Variants in CLASP1 observed in about 807,000 individuals in gnomAD.
CLASP1 encodes CLIP-associating protein 1.
In CLASP1, 38 loss-of-function variants were observed where a neutral mutation model predicts 192.3. The ratio of observed to expected loss-of-function variants is 0.20; its 90% CI spans 0.15 to 0.26. CLASP1 has a LOEUF of 0.26. Ranked by LOEUF, CLASP1 falls within the 10% of genes least tolerant of loss-of-function variation. The pLI, the probability that CLASP1 is intolerant of heterozygous loss-of-function variation, is 1.00. For missense variants in CLASP1, 1,433 were observed against 1,932.5 expected (o/e 0.74, Z 4.85); for synonymous variants, 691 against 712.8 (o/e 0.97, Z 0.49).
In CLASP1 at chr2:121,411,337, G is replaced by T. The variant is rs1322078711; in HGVS notation, c.2321-368C>A. Among the ~76,000 whole-genome samples, 3 of 152,314 alleles carry T rather than the reference G, an allele frequency of 2.0e-5. No homozygotes were observed. In the East Asian group the frequency reaches 5.8e-4, roughly 29 times the overall value. ...GATGTTTGGTCAAACTAATTAGAAA[G>T]CTTCATGGTTTCATAAGAGTTCTAA... On this transcript the variant is annotated intron_variant, in intron 23 of 39. Coordinates refer to ENST00000263710, the Ensembl canonical transcript of CLASP1.
intron 2 of CLASP1, among the ~76,000 whole-genome samples, chr2:121,563,258 T>C (rs1218032816): frequency 2.0e-5 from 3 of 152,208 alleles, no homozygotes; most frequent in Admixed American, 6.5e-5. Flanking sequence ...GTTTATATTA[T>C]GCTGAACAGG....
intron 2 of CLASP1, among the ~76,000 whole-genome samples, chr2:121,562,688 C>T (rs1004266755): frequency 3.9e-5 from 6 of 152,334 alleles, no homozygotes; most frequent in African/African-American, 1.4e-4. Context: ...CACAGAAGCA[C>T]AACAGGCAAA....
intron 2 of CLASP1, chr2:121,532,495 T>G (rs1216964471): frequency 6.6e-6 from 1 of 152,132 alleles, no homozygotes; most frequent in African/African-American, 2.4e-5. Flanking sequence ...AAAACGGCAT[T>G]TTGCCTGTGA....
intron 8 of CLASP1, among the ~76,000 whole-genome samples, chr2:121,474,571 C>T (rs543389273): frequency 2.4e-4 from 37 of 152,222 alleles, no homozygotes; most frequent in African/African-American, 8.4e-4. Flanking sequence ...CCCGTCTCTA[C>T]TAAACATACA....
intron 31 of CLASP1, 43 bp downstream of exon 32, chr2:121,387,720 T>C (rs1241167908): frequency 6.2e-7 from 1 of 1,604,264 alleles, no homozygotes; most frequent in Admixed American, 1.7e-5. Context: ...TACGCAGAGG[T>C]CATGGACATC....
At chr2:121,469,739 G>A (rs1331817972) in intron 9 of CLASP1, 69 bp downstream of exon 9, 2 of 1,487,532 alleles carry the variant, frequency 1.3e-6, no homozygotes. Flanking sequence ...CCACAGGCAA[G>A]TACGTGCACC....
At chr2:121,598,702 G>A (rs2063423155) in intron 2 of CLASP1, among the ~76,000 whole-genome samples, 1 of 152,126 alleles carries the variant, frequency 6.6e-6, no homozygotes, top group African/African-American at 2.4e-5. Flanking sequence ...CTGCAGGGTT[G>A]TTATAAAGAC....
At chr2:121,540,999 T>C (rs1198077037) in intron 2 of CLASP1, among the ~76,000 whole-genome samples, 2 of 152,220 alleles carry the variant, frequency 1.3e-5, no homozygotes, top group African/African-American at 4.8e-5. Flanking sequence ...AATTGTGTCT[T>C]TGTGTTTTGT....
chr2:121,370,425 A>T (rs1465428685), intron 34 of CLASP1, among the ~76,000 whole-genome samples: 1 of 152,112 alleles, frequency 6.6e-6, no homozygotes, highest in Non-Finnish European at 1.5e-5. Context: ...TTCTAGGTTC[A>T]AGCGATTCTC....
At chr2:121,478,755 A>C (rs1575271323) in intron 8 of CLASP1, among the ~76,000 whole-genome samples, 2 of 75,270 alleles carry the variant, frequency 2.7e-5, no homozygotes, top group African/African-American at 1.3e-4. Flanking sequence ...CACACACCAC[A>C]CACACACCAC....
rs184955628 is a variant in CLASP1, at chr2:121,535,638, G to A, written c.196-5313C>T. Reference sequence around the variant, plus strand: ...AGACAATAGGTAAAAAGTAACGGCTGACATTCATTAGAATTTTTTTTTTTT... The same window carrying A: ...AGACAATAGGTAAAAAGTAACGGCTAACATTCATTAGAATTTTTTTTTTTT... On this transcript the variant is annotated intron_variant, in intron 2 of 39. Coordinates refer to ENST00000263710, the Ensembl canonical transcript of CLASP1. 3.3e-5 allele frequency among the ~76,000 whole-genome samples: 5 copies of A among 152,036 alleles called. No individual in the cohort carries two copies. In the East Asian group the frequency reaches 9.7e-4, roughly 29 times the overall value.
At chr2:121,368,133 G>C (rs1255145496) in intron 34 of CLASP1, among the ~76,000 whole-genome samples, 3 of 152,070 alleles carry the variant, frequency 2.0e-5, no homozygotes, top group Admixed American at 1.3e-4. Context: ...GCCTTTCCTT[G>C]AGAAGGAAAG....
At chr2:121,531,132 C>T (rs939411488) in intron 2 of CLASP1, 4 of 620,008 alleles carry the variant, frequency 6.5e-6, no homozygotes, top group South Asian at 3.6e-5. Flanking sequence ...AAGTAAAGTT[C>T]TTTCAGTTTT....
chr2:121,363,598 G>A (rs1407977704), intron 36 of CLASP1, among the ~76,000 whole-genome samples: 1 of 152,186 alleles, frequency 6.6e-6, no homozygotes, highest in African/African-American at 2.4e-5. Flanking sequence ...AAATGAGGAT[G>A]ATATACCTAA....
intron 6 of CLASP1, among the ~76,000 whole-genome samples, chr2:121,521,418 G>A (rs541991127): frequency 6.6e-4 from 100 of 152,234 alleles, no homozygotes; most frequent in African/African-American, 2.1e-3. Flanking sequence ...GTGTGGTACC[G>A]GTGCTGTGCC....
intron 2 of CLASP1, among the ~76,000 whole-genome samples, chr2:121,560,697 T>C (rs866925986): frequency 1.3e-5 from 2 of 152,212 alleles, no homozygotes; most frequent in Non-Finnish European, 2.9e-5. Flanking sequence ...ATCCTTGAAG[T>C]TAAATGCTGG....
intron 7 of CLASP1, among the ~76,000 whole-genome samples, chr2:121,512,611 T>C (rs1264485875): frequency 6.6e-6 from 1 of 152,242 alleles, no homozygotes; most frequent in African/African-American, 2.4e-5. Flanking sequence ...GATAAGATTT[T>C]GGCCACGAGA....
intron 2 of CLASP1, among the ~76,000 whole-genome samples, chr2:121,548,858 A>AT (rs1433155297): frequency 6.6e-6 from 1 of 152,210 alleles, no homozygotes; most frequent in African/African-American, 2.4e-5. Flanking sequence ...CCTTTTTCAG[A>AT]TAAGCAAATG....
At chr2:121,406,510 T>A (rs1343204126) in intron 25 of CLASP1, among the ~76,000 whole-genome samples, 1 of 152,120 alleles carries the variant, frequency 6.6e-6, no homozygotes, top group Admixed American at 6.5e-5. Context: ...AACTGCATAC[T>A]GTACAGGAAG....
Sources: gnomAD v4.1 joint callset for allele counts (sites outside exome capture counted in the v4.1 genomes callset) on GRCh38, gnomAD v4.1.1 for gene constraint, MANE v1.5 for transcripts, NCBI Gene and HGNC (gene_info 2026-07-23, HGNC 2026-07-21) for gene names.